Variants in LRSAM1 observed in about 807,000 individuals in gnomAD.
LRSAM1 encodes the protein leucine rich repeat and sterile alpha motif containing 1, also known as E3 ubiquitin-protein ligase LRSAM1.
A neutral mutation model predicts 118.1 loss-of-function variants in LRSAM1; 96 were observed. The observed-to-expected ratio is 0.81, with a 90% CI of 0.69 to 0.96. The LOEUF (loss-of-function observed/expected upper bound fraction) is 0.96, where lower values mean the gene tolerates loss of function less well. Among genes scored for constraint, LRSAM1 ranks in the 40% least tolerant of loss-of-function variants. The pLI, the probability that LRSAM1 is intolerant of heterozygous loss-of-function variation, is 0.00. For missense variants in LRSAM1, 804 were observed against 915.5 expected, an observed-to-expected ratio of 0.88 and a Z score of 1.57; for synonymous variants, 322 against 364.2, an observed-to-expected ratio of 0.88 and a Z score of 1.32.
At chr9:127,470,347 G>T (rs560220678) in intron 10 of LRSAM1, among the ~76,000 whole-genome samples, 1 of 152,156 alleles carries the variant, frequency 6.6e-6, no homozygotes, top group Non-Finnish European at 1.5e-5. Flanking sequence ...AAGTGAAGAG[G>T]GAAGCCCCTT....
intron 11 of LRSAM1, among the ~76,000 whole-genome samples, chr9:127,475,902 G>A (rs549459286): frequency 1.3e-5 from 2 of 152,034 alleles, no homozygotes; most frequent in East Asian, 3.9e-4. Context: ...CACCATGCCC[G>A]GCTAATTTTG....
intron 3 of LRSAM1, 96 bp from the exon 4 acceptor site, chr9:127,454,902 C>A: frequency 1.6e-6 from 2 of 1,214,366 alleles, no homozygotes; most frequent in Non-Finnish European, 2.4e-6. Context: ...GTCTATGGTC[C>A]TTTGCAGCTG....
intron 9 of LRSAM1, among the ~76,000 whole-genome samples, chr9:127,463,528 C>T (rs1200898923): frequency 6.6e-6 from 1 of 152,162 alleles, no homozygotes; most frequent in Non-Finnish European, 1.5e-5. Flanking sequence ...TGTGTCTTCA[C>T]CTCATCTTCC....
At position 127,459,058 on chromosome 9, in the gene LRSAM1, TG is replaced by T; in HGVS notation, c.309del (p.Thr104LeufsTer6). On this transcript the variant is annotated frameshift_variant, in exon 7 of 26. Transcript: ENST00000300417. LOFTEE classifies it high-confidence loss of function. Reference sequence around the variant, plus strand: ...GCCCTTCCTGACGATCTGGGGCAGCTGACTGCCCTCCAGGTAAGGCTGCAGA... The same window carrying T: ...GCCCTTCCTGACGATCTGGGGCAGCTACTGCCCTCCAGGTAAGGCTGCAGA... Reference protein sequence around the residue: ...LTALPDDLGQLTALQVLNVER... With the variant: ...LTALPDDLGQXTALQVLNVER... 6.2e-7 allele frequency: 1 copy of T among 1,613,698 alleles called. No individual in the cohort carries two copies. Among genetic ancestry groups the T allele is most frequent in the Non-Finnish European group, 8.5e-7 (1 of 1,180,006 alleles).
chr9:127,464,113 TCAGC>T (rs1303503101), intron 9 of LRSAM1, among the ~76,000 whole-genome samples: 1 of 152,184 alleles, frequency 6.6e-6, no homozygotes, highest in African/African-American at 2.4e-5. Context: ...GACCCCACTC[TCAGC>T]CAGCCCAGCC....
chr9:127,461,850 T>A (rs956948269), intron 8 of LRSAM1, among the ~76,000 whole-genome samples: 2 of 152,242 alleles, frequency 1.3e-5, no homozygotes, highest in African/African-American at 4.8e-5. Context: ...TCCTGCAGAG[T>A]GCCTCTGTTT....
chr9:127,495,176 C>T, intron 21 of LRSAM1, 144 bp from the exon 22 acceptor site: 1 of 663,134 alleles, frequency 1.5e-6, no homozygotes, highest in South Asian at 1.5e-5. Context: ...TGGTCTTGAA[C>T]TCCCGACCTC....
At chr9:127,478,059 A>G (rs527961428) in intron 11 of LRSAM1, among the ~76,000 whole-genome samples, 2 of 152,068 alleles carry the variant, frequency 1.3e-5, no homozygotes, top group East Asian at 1.9e-4. Context: ...TCTCAAAAAA[A>G]AAAAAAAAAA....
At chr9:127,490,248 TTC>T (rs974571424) in intron 19 of LRSAM1, among the ~76,000 whole-genome samples, 10 of 22,966 alleles carry the variant, frequency 4.4e-4, no homozygotes, top group African/African-American at 1.2e-3. Flanking sequence ...TTCTCTATTT[TTC>T]TTTCTTTCTT....
rs1835983507 is a variant in LRSAM1 at position 127,492,842 on chromosome 9, T to A, written c.1544T>A (p.Leu515His). The change falls in exon 21 of 26, where the codon CTC becomes CAC. Residue 515 changes from leucine (L) to histidine (H), a missense_variant. Leu to His is a moderately conservative substitution (Grantham distance 99). Transcript: ENST00000300417. ...CAGCGCTGGGCCCTCAGCTCCCTGC[T>A]CCAGCAGCTGCTCAAAGAGAAGCAG... Reference protein sequence around the residue: ...SEQRWALSSLLQQLLKEKQQR... With the variant: ...SEQRWALSSLHQQLLKEKQQR... The A allele has an allele frequency of 1.2e-6, 2 of 1,613,808 alleles. No homozygotes were observed. The highest frequency in any genetic ancestry group is 1.7e-6 in the Non-Finnish European group (2 of 1,180,028).
rs1834951315 is a variant in LRSAM1, at chr9:127,466,509, T to TACA, written c.529-1231_529-1230insACA. Among the ~76,000 whole-genome samples the TACA allele has an allele frequency of 2.4e-3, 178 of 74,578 alleles. 5 individuals carry two copies. Among genetic ancestry groups the TACA allele is most frequent in the African/African-American group, 0.012 (174 of 14,204 alleles). 48.9% of individuals were successfully genotyped at this position (74,578 alleles called of 152,430 possible). On this transcript the variant is annotated intron_variant, in intron 9 of 25. Coordinates refer to ENST00000300417, the MANE Select transcript of LRSAM1 (RefSeq NM_001005373.4). The stretch of plus-strand genomic sequence containing the variant: ...ATATATATATATATATATATATTTT[T>TACA]TTTTTTTTTTTTTTTTTTTTTCCAC...
At chr9:127,490,007 C>T (rs1317843) in intron 19 of LRSAM1, among the ~76,000 whole-genome samples, 30,518 of 152,126 alleles carry the variant, frequency 0.2, 3,511 homozygotes, top group Admixed American at 0.33. Flanking sequence ...GACCTCGGCC[C>T]AGGAGGAGGC....
intron 15 of LRSAM1, among the ~76,000 whole-genome samples, chr9:127,481,953 A>AT (rs1481151199): frequency 1.3e-5 from 2 of 152,046 alleles, no homozygotes; most frequent in East Asian, 3.9e-4. Flanking sequence ...TAAAAAAAAA[A>AT]AGAAATTCAG....
At position 127,461,212 on chromosome 9, in the gene LRSAM1, C is replaced by T. The variant is rs141326230; in HGVS notation, c.361C>T (p.Arg121Cys). Reference protein sequence around the residue: ...VERNQLMQLPRSIGNLTQLQT... With the variant: ...VERNQLMQLPCSIGNLTQLQT... ...AAGGAATCAACTGATGCAGCTCCCACGTTCCATTGGGAACCTGACCCAGCT... is the reference window on the plus strand; with the variant it reads ...AAGGAATCAACTGATGCAGCTCCCATGTTCCATTGGGAACCTGACCCAGCT... The change falls in exon 8 of 26, where the codon CGT (arginine) becomes TGT (cysteine). Residue 121 changes from arginine (R) to cysteine (C), a missense_variant. Transcript: ENST00000300417. 18 of 1,612,266 alleles carry T rather than the reference C, an allele frequency of 1.1e-5. No homozygotes were observed. Among genetic ancestry groups the T allele is most frequent in the African/African-American group, 9.3e-5 (7 of 75,020 alleles).
chr9:127,458,607 A>T (rs1288218492), intron 6 of LRSAM1, among the ~76,000 whole-genome samples: 2 of 152,198 alleles, frequency 1.3e-5, no homozygotes, highest in South Asian at 2.1e-4. Context: ...AATAAAATTA[A>T]ATTAAAAATT....
At chr9:127,479,767 T>C in intron 13 of LRSAM1, 72 bp from the exon 14 acceptor site, 2 of 1,574,898 alleles carry the variant, frequency 1.3e-6, no homozygotes, top group Non-Finnish European at 1.7e-6. Flanking sequence ...GCCAGCCTCC[T>C]AACCCCAGTC....
Position 127,487,678 on chromosome 9 carries a change from T to C in LRSAM1, c.1262T>C (p.Met421Thr). 3 of 1,613,442 alleles carry C rather than the reference T, an allele frequency of 1.9e-6. No individual in the cohort carries two copies. The highest frequency in any genetic ancestry group is 2.5e-6 in the Non-Finnish European group (3 of 1,179,772). ...TGAATTTGCTGTCTTTCTGGCAGCA[T>C]GGCCGAAATGGATGAACGATTCCAG... The part of the protein sequence containing the change: ...QNLVQQACSS[M>T]AEMDERFQQI... The change falls in exon 18 of 26, where the codon ATG becomes ACG. Residue 421 changes from methionine to threonine, a missense_variant and splice_region_variant. Met to Thr is a moderately conservative substitution (Grantham distance 81). Transcript: ENST00000300417.
At chr9:127,479,057 T>C in intron 12 of LRSAM1, 94 bp downstream of exon 12, 1 of 1,383,986 alleles carries the variant, frequency 7.2e-7, no homozygotes. Context: ...TCTTCCCAGC[T>C]CAGAATTAGA....
At chr9:127,467,634 C>G (rs1835006305) in intron 9 of LRSAM1, 106 bp from the exon 10 acceptor site, 2 of 1,100,468 alleles carry the variant, frequency 1.8e-6, no homozygotes, top group East Asian at 5.1e-5. Flanking sequence ...TCAGGCCATT[C>G]CTGCTGGGTA....
Sources: gnomAD v4.1 joint callset for allele counts (sites outside exome capture counted in the v4.1 genomes callset) on GRCh38, gnomAD v4.1.1 for gene constraint, MANE v1.5 for transcripts, NCBI Gene and HGNC (gene_info 2026-07-23, HGNC 2026-07-21) for gene names.